Variants in CLASP2 observed in about 807,000 individuals in gnomAD.
CLASP2 encodes the protein cytoplasmic linker associated protein 2.
A neutral mutation model predicts 194.4 loss-of-function variants in CLASP2; 47 were observed. That is an observed-to-expected ratio of 0.24 (90% CI 0.19 to 0.31). The LOEUF is 0.31. CLASP2 is among the 10% of genes least tolerant of loss of function. The pLI, the probability that CLASP2 is intolerant of heterozygous loss-of-function variation, is 1.00. For missense variants in CLASP2, 1,445 were observed against 1,823.6 expected, an observed-to-expected ratio of 0.79 and a Z score of 3.78; for synonymous variants, 619 against 633.5, an observed-to-expected ratio of 0.98 and a Z score of 0.34.
At chr3:33,672,248 T>G (rs1031183583) in intron 6 of CLASP2, among the ~76,000 whole-genome samples, 5 of 152,080 alleles carry the variant, frequency 3.3e-5, no homozygotes, top group African/African-American at 4.8e-5. Context: ...GAGACAAAAC[T>G]TCCAGAGGAA....
chr3:33,664,271 C>T (rs2085799162), intron 6 of CLASP2, among the ~76,000 whole-genome samples: 1 of 152,066 alleles, frequency 6.6e-6, no homozygotes, highest in Non-Finnish European at 1.5e-5. Context: ...ATAAAACTGA[C>T]AGCACTTTTT....
At chr3:33,513,550 C>T (rs1303059628) in intron 36 of CLASP2, among the ~76,000 whole-genome samples, 2 of 152,058 alleles carry the variant, frequency 1.3e-5, no homozygotes, top group Non-Finnish European at 2.9e-5. Context: ...AACCCCAAAA[C>T]CCCTGCAAAA....
At chr3:33,504,076 A>G (rs1455245100) in intron 37 of CLASP2, 1 of 152,202 alleles carries the variant, frequency 6.6e-6, no homozygotes, top group African/African-American at 2.4e-5. Context: ...TGGATAGTAG[A>G]CCATTATCAG....
Position 33,566,732 on chromosome 3 carries a change from T to C in CLASP2, c.2766A>G (p.Arg922=). Residue 922 remains arginine (R), a splice_region_variant and synonymous_variant, in exon 27 of 39, where the codon AGA becomes AGG. Coordinates refer to ENST00000682230, the MANE Select transcript of CLASP2 (RefSeq NM_001365631.1). ...TRMFADPHGK[R]VFSMFLETLV... ...TCCAACAAATATTGAACCAACTTAC[T>C]CTCTATTGAGAGTTCCAACACAGGG... 2 of 449,938 alleles carry C rather than the reference T, an allele frequency of 4.4e-6. No individual in the cohort carries two copies. Among genetic ancestry groups the C allele is most frequent in the Non-Finnish European group, 8.9e-6 (2 of 223,936 alleles). The allele number at this position is 449,938 out of a possible 1,614,324, so 27.9% of individuals were successfully genotyped here. A position where few individuals can be genotyped will look rare whatever the true frequency, so the allele number is the denominator to read the frequency against.
At chr3:33,553,022 G>A (rs2060294929) in intron 29 of CLASP2, among the ~76,000 whole-genome samples, 1 of 152,188 alleles carries the variant, frequency 6.6e-6, no homozygotes, top group African/African-American at 2.4e-5. Flanking sequence ...TGCTGACTTA[G>A]AATAAGGAAG....
chr3:33,677,510 C>T (rs1385849707), intron 6 of CLASP2, among the ~76,000 whole-genome samples: 10 of 137,860 alleles, frequency 7.3e-5, no homozygotes, highest in African/African-American at 2.8e-4. Flanking sequence ...ACGATGAGAA[C>T]ACATGGACAC....
chr3:33,691,518 A>G (rs1279011055), intron 2 of CLASP2, among the ~76,000 whole-genome samples: 5 of 152,212 alleles, frequency 3.3e-5, no homozygotes, highest in Non-Finnish European at 7.3e-5. Flanking sequence ...TTGTGTAAGA[A>G]ATCAATGTCC....
intron 21 of CLASP2, among the ~76,000 whole-genome samples, chr3:33,587,108 C>T (rs1028347936): frequency 2.6e-5 from 4 of 151,786 alleles, no homozygotes; most frequent in South Asian, 2.1e-4. Context: ...CATGGGCTGG[C>T]GATCTGTGAT....
intron 21 of CLASP2, among the ~76,000 whole-genome samples, chr3:33,586,522 C>CATGG (rs1360889016): frequency 6.6e-6 from 1 of 151,966 alleles, no homozygotes; most frequent in Non-Finnish European, 1.5e-5. Context: ...AGAGACTGTG[C>CATGG]ATGGGTTTAA....
intron 8 of CLASP2, among the ~76,000 whole-genome samples, chr3:33,640,247 T>A (rs1442955990): frequency 6.6e-6 from 1 of 152,230 alleles, no homozygotes; most frequent in Non-Finnish European, 1.5e-5. Context: ...ATTCTTGTGA[T>A]CTTTATTTGG....
intron 7 of CLASP2, among the ~76,000 whole-genome samples, chr3:33,651,657 C>A (rs1239003669): frequency 8.4e-6 from 1 of 119,628 alleles, no homozygotes; most frequent in Non-Finnish European, 1.7e-5. Context: ...TTCCACCTCA[C>A]TTTTTTTTTT....
intron 37 of CLASP2, chr3:33,505,269 A>AACAAC (rs1559763839): frequency 0.052 from 6,586 of 126,624 alleles, 208 homozygotes; most frequent in African/African-American, 0.079. Flanking sequence ...ACAACAACAA[A>AACAAC]ACATAACCAC....
At chr3:33,573,694 A>C (rs1301250921) in intron 24 of CLASP2, among the ~76,000 whole-genome samples, 1 of 152,222 alleles carries the variant, frequency 6.6e-6, no homozygotes, top group Non-Finnish European at 1.5e-5. Flanking sequence ...AATGAACAGA[A>C]ACTATACTAG....
chr3:33,718,147 G>A lies in CLASP2; in HGVS notation c.-145C>T. 1.3e-6 allele frequency: 1 copy of A among 775,612 alleles called. No individual in the cohort carries two copies. The highest frequency in any genetic ancestry group is 1.8e-6 in the Non-Finnish European group (1 of 544,250). The allele number at this position is 775,612 out of a possible 1,614,324, so 48.0% of individuals were successfully genotyped here. A position where few individuals can be genotyped will look rare whatever the true frequency, so the allele number is the denominator to read the frequency against. ...CGGCTTGCGGGGCGCAGCGGGCGGC[G>A]GGAGGAACGCCAAGCGCCCAGCCGC... On this transcript the variant is annotated 5_prime_UTR_variant, in exon 1 of 39. Transcript: ENST00000682230.
chr3:33,570,862 T>G, intron 25 of CLASP2, 72 bp from the exon 26 acceptor site: 1 of 1,168,860 alleles, frequency 8.6e-7, no homozygotes, highest in Non-Finnish European at 1.1e-6. Context: ...ACTTTACATA[T>G]AATTTTCTTT....
Position 33,596,841 on chromosome 3 carries a change from T to C in CLASP2, c.1925-107A>G, listed in dbSNP as rs2070531123. 4.7e-6 allele frequency: 4 copies of C among 845,830 alleles called. No individual in the cohort carries two copies. In the South Asian group the frequency reaches 5.4e-5, roughly 11 times the overall value. 52.4% of individuals were successfully genotyped at this position (845,830 alleles called of 1,614,324 possible). ...TTCTTTAAGAAGACAGAATTCATAG[T>C]ACAGACGTATATATCAAGCTTGTTT... On this transcript the variant is annotated intron_variant, in intron 18 of 38. Coordinates refer to ENST00000682230, the MANE Select transcript of CLASP2 (RefSeq NM_001365631.1).
At chr3:33,500,810 T>C (rs2046681035) in intron 38 of CLASP2, among the ~76,000 whole-genome samples, 2 of 152,332 alleles carry the variant, frequency 1.3e-5, no homozygotes, top group East Asian at 3.9e-4. Flanking sequence ...ATTCTTTAAG[T>C]GACGGTGAGT....
intron 23 of CLASP2, among the ~76,000 whole-genome samples, chr3:33,576,904 T>C (rs569200773): frequency 7.0e-6 from 1 of 142,852 alleles, no homozygotes; most frequent in Non-Finnish European, 1.5e-5. Context: ...ACCATTTTGG[T>C]TTTTTTTTTT....
intron 7 of CLASP2, among the ~76,000 whole-genome samples, chr3:33,662,040 T>A (rs2085386331): frequency 6.6e-6 from 1 of 152,132 alleles, no homozygotes; most frequent in Non-Finnish European, 1.5e-5. Flanking sequence ...ATGCAAACAA[T>A]CTTTGAAGTC....
Sources: allele counts gnomAD v4.1 joint callset (sites outside exome capture counted in the v4.1 genomes callset), GRCh38; gene constraint gnomAD v4.1.1; transcripts MANE v1.5; gene names NCBI Gene and HGNC (gene_info 2026-07-23, HGNC 2026-07-21).